Variants in PATJ observed in about 807,000 individuals in gnomAD.
PATJ encodes the protein inaD-like protein.
PATJ carries 190 observed loss-of-function variants against 224.9 expected under a neutral mutation model. The ratio of observed to expected loss-of-function variants is 0.84; its 90% CI spans 0.75 to 0.95. PATJ has a LOEUF of 0.95. Among genes scored for constraint, PATJ ranks in the 40% least tolerant of loss-of-function variants. The pLI, the probability that PATJ is intolerant of heterozygous loss-of-function variation, is 0.00. For synonymous variants in PATJ, 769 were observed against 820.3 expected (o/e 0.94, Z 1.07); for missense variants, 2,121 against 2,270.3 (o/e 0.93, Z 1.34).
intron 17 of PATJ, among the ~76,000 whole-genome samples, chr1:61,849,346 A>G (rs1411822762): frequency 9.9e-5 from 15 of 152,208 alleles, no homozygotes; most frequent in Admixed American, 9.8e-4. Context: ...CTGTAATCCC[A>G]GTACTTTGGG....
chr1:62,022,448 A>G (rs1000271029), intron 29 of PATJ, among the ~76,000 whole-genome samples: 3 of 152,296 alleles, frequency 2.0e-5, no homozygotes, highest in African/African-American at 4.8e-5. Flanking sequence ...GTGTATTACA[A>G]TCTGGGTGCT....
chr1:62,076,736 T>C (rs1337292907), intron 31 of PATJ, among the ~76,000 whole-genome samples: 1 of 152,234 alleles, frequency 6.6e-6, no homozygotes, highest in African/African-American at 2.4e-5. Context: ...TTTAGTAATC[T>C]AGATTGCTCT....
intron 29 of PATJ, among the ~76,000 whole-genome samples, chr1:62,030,553 T>C (rs949155629): frequency 3.4e-5 from 5 of 148,188 alleles, no homozygotes; most frequent in South Asian, 2.2e-4. Context: ...CTCAGTGCAA[T>C]AGATTTTATG....
intron 14 of PATJ, among the ~76,000 whole-genome samples, chr1:61,819,184 A>G (rs535206233): frequency 5.3e-5 from 8 of 152,230 alleles, no homozygotes; most frequent in East Asian, 3.9e-4. Flanking sequence ...GCTCTGACCA[A>G]CTTCCCAAAA....
rs145636880 is a variant in PATJ, at chr1:61,771,552, A to T, written c.646A>T (p.Ile216Phe). The stretch of plus-strand genomic sequence containing the variant: ...ACAAACCACTGGATCTTTGAGACTG[A>T]TTGTGGCCAGGGAACCAGTCCACAC... ...LQQTTGSLRL[I>F]VAREPVHTKS... The change falls in exon 6 of 44, where the codon ATT becomes TTT. Residue 216 changes from isoleucine (I) to phenylalanine (F), a missense_variant. Transcript: ENST00000642238. 1 of 1,613,598 alleles carries T rather than the reference A, an allele frequency of 6.2e-7. No individual in the cohort carries two copies. Among genetic ancestry groups the T allele is most frequent in the East Asian group, 2.2e-5 (1 of 44,838 alleles).
At chr1:62,146,936 A>G (rs550718166) in intron 41 of PATJ, among the ~76,000 whole-genome samples, 8 of 152,188 alleles carry the variant, frequency 5.3e-5, no homozygotes, top group Non-Finnish European at 1.2e-4. Context: ...AGAAGGCTCC[A>G]GGAGCAAAGG....
rs200431187 is a variant in PATJ, at chr1:61,881,410, T to TA, written c.2960-2827_2960-2826insA. On this transcript the variant is annotated intron_variant, in intron 21 of 43. Coordinates refer to ENST00000642238, the MANE Select transcript of PATJ (RefSeq NM_001350145.3). The stretch of plus-strand genomic sequence containing the variant: ...ATGAACCACAGTTAAAACAGTTATT[T>TA]TTTTTTTTTTTTTTTTTTGAGACAG... Among the ~76,000 whole-genome samples the TA allele has an allele frequency of 1.2e-4, 13 of 110,814 alleles. 1 individual carries two copies. The highest frequency in any genetic ancestry group is 8.3e-4 in the East Asian group (4 of 4,836). The allele number at this position is 110,814 out of a possible 152,430, so 72.7% of individuals were successfully genotyped here.
chr1:61,972,106 T>A (rs1376722319), intron 27 of PATJ, among the ~76,000 whole-genome samples: 1 of 152,082 alleles, frequency 6.6e-6, no homozygotes, highest in African/African-American at 2.4e-5. Flanking sequence ...GATTTGGGAA[T>A]GTTTATGTAT....
chr1:62,106,982 T>C (rs112336159), intron 33 of PATJ, among the ~76,000 whole-genome samples: 1 of 151,988 alleles, frequency 6.6e-6, no homozygotes, highest in Non-Finnish European at 1.5e-5. Context: ...GTGGGACCCA[T>C]AGACCTCTGT....
intron 20 of PATJ, among the ~76,000 whole-genome samples, chr1:61,869,519 C>T (rs1665999284): frequency 6.6e-6 from 1 of 152,140 alleles, no homozygotes; most frequent in African/African-American, 2.4e-5. Flanking sequence ...TGTTTGATAG[C>T]CTCATTTCCT....
intron 34 of PATJ, among the ~76,000 whole-genome samples, chr1:62,111,968 A>G (rs925883518): frequency 6.6e-6 from 1 of 151,876 alleles, no homozygotes; most frequent in Non-Finnish European, 1.5e-5. Flanking sequence ...CCCAAAACCC[A>G]TGTTCTTTAC....
intron 6 of PATJ, among the ~76,000 whole-genome samples, chr1:61,772,376 C>T (rs1198594580): frequency 6.6e-6 from 1 of 151,832 alleles, no homozygotes; most frequent in African/African-American, 2.4e-5. Context: ...TTATAGCAGG[C>T]TTTTTTTCAT....
intron 28 of PATJ, among the ~76,000 whole-genome samples, chr1:62,009,166 CTTAA>C (rs1646278821): frequency 6.6e-6 from 1 of 152,102 alleles, no homozygotes; most frequent in Admixed American, 6.5e-5. Context: ...AATGAAATAT[CTTAA>C]TTGTTTTCCT....
intron 28 of PATJ, among the ~76,000 whole-genome samples, chr1:62,011,987 A>G (rs571912428): frequency 1.3e-5 from 2 of 151,842 alleles, no homozygotes; most frequent in African/African-American, 4.8e-5. Flanking sequence ...TGTGCATACT[A>G]CTTCACTCCA....
rs1263706922 is a variant in PATJ at position 61,787,986 on chromosome 1, TC to T, written c.1068+15del. 3 of 1,592,066 alleles carry T rather than the reference TC, an allele frequency of 1.9e-6. No individual in the cohort carries two copies. The highest frequency in any genetic ancestry group is 2.7e-5 in the African/African-American group (2 of 74,492). On this transcript the variant is annotated intron_variant, in intron 8 of 43. Coordinates refer to ENST00000642238, the MANE Select transcript of PATJ (RefSeq NM_001350145.3). ...GGCCCTGGTTCTGTGAGTATACATA[TC>T]ATTCTTTCATCTTAAACCAAAGCCT...
At chr1:62,024,496 C>A (rs893498149) in intron 29 of PATJ, among the ~76,000 whole-genome samples, 4 of 152,010 alleles carry the variant, frequency 2.6e-5, no homozygotes, top group Non-Finnish European at 4.4e-5. Context: ...GGAATTATGC[C>A]TACATTTGTT....
chr1:61,965,818 T>A (rs1206271855), intron 27 of PATJ, among the ~76,000 whole-genome samples: 2 of 152,188 alleles, frequency 1.3e-5, no homozygotes, highest in Non-Finnish European at 2.9e-5. Context: ...TAGGAGAGTT[T>A]GAGAGAGTGA....
chr1:61,945,564 C>T (rs1355721787), intron 27 of PATJ, among the ~76,000 whole-genome samples: 2 of 152,132 alleles, frequency 1.3e-5, no homozygotes, highest in Non-Finnish European at 2.9e-5. Context: ...TATAGGAGCA[C>T]CCAGATTGCT....
intron 18 of PATJ, among the ~76,000 whole-genome samples, chr1:61,860,702 C>T (rs1419514525): frequency 6.6e-6 from 1 of 152,170 alleles, no homozygotes; most frequent in African/African-American, 2.4e-5. Context: ...TGTTGCTTGC[C>T]TGTAGTCCCA....
Sources: gnomAD v4.1 joint callset for allele counts (sites outside exome capture counted in the v4.1 genomes callset) on GRCh38, gnomAD v4.1.1 for gene constraint, MANE v1.5 for transcripts, NCBI Gene and HGNC (gene_info 2026-07-23, HGNC 2026-07-21) for gene names.